Variants in DLGAP1 observed in about 807,000 individuals in gnomAD.
The protein encoded by DLGAP1 is DLG associated protein 1.
Under a neutral mutation model 90.8 loss-of-function variants are expected in DLGAP1, and 11 were observed. The observed-to-expected ratio is 0.12, with a 90% CI of 0.08 to 0.20. The LOEUF (loss-of-function observed/expected upper bound fraction) is 0.20. Among genes scored for constraint, DLGAP1 ranks in the 10% least tolerant of loss-of-function variants. The pLI is 1.00. For synonymous variants in DLGAP1, 558 were observed against 540.7 expected, an observed-to-expected ratio of 1.03 and a Z score of -0.44; for missense variants, 1,050 against 1,333.8, an observed-to-expected ratio of 0.79 and a Z score of 3.31.
chr18:3,600,731 T>TATATAGATATATAG (rs1555695365), intron 7 of DLGAP1, among the ~76,000 whole-genome samples: 1 of 37,778 alleles, frequency 2.6e-5, no homozygotes, highest in African/African-American at 1.4e-4. Context: ...GAGATATAGA[T>TATATAGATATATAG]ATATATAGAT....
At chr18:4,297,899 G>A (rs1246437161) in intron 1 of DLGAP1, among the ~76,000 whole-genome samples, 1 of 152,066 alleles carries the variant, frequency 6.6e-6, no homozygotes, top group Non-Finnish European at 1.5e-5. Context: ...GCAAACGCAG[G>A]TAAACTTTTG....
intron 4 of DLGAP1, among the ~76,000 whole-genome samples, chr18:3,838,603 G>A (rs572832530): frequency 6.6e-6 from 1 of 152,180 alleles, no homozygotes; most frequent in Non-Finnish European, 1.5e-5. Flanking sequence ...GATATATGCT[G>A]TAGACATTTA....
chr18:4,210,493 G>A (rs913512173), intron 1 of DLGAP1, among the ~76,000 whole-genome samples: 3 of 152,098 alleles, frequency 2.0e-5, no homozygotes, highest in Admixed American at 1.3e-4. Context: ...TGCTGAGCTA[G>A]GAAAAGGAAA....
chr18:3,786,137 T>C (rs2065438382), intron 5 of DLGAP1, among the ~76,000 whole-genome samples: 1 of 152,170 alleles, frequency 6.6e-6, no homozygotes, highest in Admixed American at 6.5e-5. Context: ...TGGGATAATC[T>C]CTTCATCTCA....
intron 10 of DLGAP1, among the ~76,000 whole-genome samples, chr18:3,525,507 C>A (rs957571781): frequency 6.6e-6 from 1 of 152,172 alleles, no homozygotes; most frequent in Non-Finnish European, 1.5e-5. Flanking sequence ...TCAAGCAGTT[C>A]TCCTTCCTCA....
At chr18:3,707,557 G>A (rs139801017) in intron 7 of DLGAP1, among the ~76,000 whole-genome samples, 1,797 of 151,026 alleles carry the variant, frequency 0.012, 24 homozygotes, top group Non-Finnish European at 0.018. Flanking sequence ...CCGAGATCAC[G>A]CCACTGCACT....
chr18:3,700,909 G>A (rs527424299), intron 7 of DLGAP1, among the ~76,000 whole-genome samples: 3 of 149,158 alleles, frequency 2.0e-5, no homozygotes, highest in South Asian at 4.3e-4. Context: ...ACGCCCAGCC[G>A]ACTTTGTTGC....
chr18:4,118,080 T>C (rs1409931176), intron 2 of DLGAP1, among the ~76,000 whole-genome samples: 1 of 152,166 alleles, frequency 6.6e-6, no homozygotes, highest in African/African-American at 2.4e-5. Flanking sequence ...CACTTCTGAT[T>C]GCTCTGCCAT....
intron 5 of DLGAP1, among the ~76,000 whole-genome samples, chr18:3,772,476 C>CTT (rs2064725828): frequency 7.8e-6 from 1 of 127,790 alleles, no homozygotes; most frequent in Non-Finnish European, 1.6e-5. Flanking sequence ...TTCTTTCTTT[C>CTT]TTTCTTCTGT....
At chr18:3,634,587 T>C (rs944305453) in intron 7 of DLGAP1, among the ~76,000 whole-genome samples, 1 of 152,256 alleles carries the variant, frequency 6.6e-6, no homozygotes, top group African/African-American at 2.4e-5. Context: ...ATTGAGAATA[T>C]TGCCTTCATT....
intron 1 of DLGAP1, among the ~76,000 whole-genome samples, chr18:4,440,775 C>G (rs2083519007): frequency 6.6e-6 from 1 of 152,140 alleles, no homozygotes; most frequent in African/African-American, 2.4e-5. Flanking sequence ...TTACATGAAC[C>G]AAATATCCTC....
intron 1 of DLGAP1, among the ~76,000 whole-genome samples, chr18:4,428,502 A>C (rs1188276042): frequency 2.6e-5 from 4 of 152,086 alleles, no homozygotes; most frequent in African/African-American, 9.7e-5. Flanking sequence ...GAAATGCTTG[A>C]ACCTGGGAGG....
At chr18:3,971,533 G>GT (rs1393663106) in intron 3 of DLGAP1, among the ~76,000 whole-genome samples, 17 of 152,120 alleles carry the variant, frequency 1.1e-4, no homozygotes, top group African/African-American at 2.2e-4. Flanking sequence ...CTATTCTTTT[G>GT]TTTTTTCTAA....
At chr18:4,367,004 C>CAAAAAAAA (rs67286288) in intron 1 of DLGAP1, among the ~76,000 whole-genome samples, 7 of 60,732 alleles carry the variant, frequency 1.2e-4, no homozygotes, top group Admixed American at 2.8e-4. Flanking sequence ...CTGTCAATGG[C>CAAAAAAAA]AAAAAAAAAA....
chr18:4,294,215 T>C (rs2079919588), intron 1 of DLGAP1: 1 of 152,224 alleles, frequency 6.6e-6, no homozygotes, highest in African/African-American at 2.4e-5. Flanking sequence ...GGCCAAACTA[T>C]ACATTCTTTC....
chr18:3,975,986 G>A (rs2073564499), intron 3 of DLGAP1, among the ~76,000 whole-genome samples: 1 of 152,036 alleles, frequency 6.6e-6, no homozygotes, highest in Non-Finnish European at 1.5e-5. Flanking sequence ...AACAGGTTCT[G>A]GAGATGGATG....
intron 2 of DLGAP1, among the ~76,000 whole-genome samples, chr18:4,081,268 T>C (rs187763294): frequency 1.3e-5 from 2 of 151,284 alleles, no homozygotes; most frequent in South Asian, 4.2e-4. Flanking sequence ...TGAGCCGAGA[T>C]TGTGCCATTG....
intron 1 of DLGAP1, among the ~76,000 whole-genome samples, chr18:4,343,124 G>T (rs1278099869): frequency 6.6e-6 from 1 of 151,900 alleles, no homozygotes; most frequent in East Asian, 1.9e-4. Context: ...TGTCTAACAT[G>T]GTGAAACTCC....
intron 1 of DLGAP1, among the ~76,000 whole-genome samples, chr18:4,222,296 G>A (rs1171712023): frequency 1.3e-5 from 2 of 152,050 alleles, no homozygotes; most frequent in Non-Finnish European, 2.9e-5. Flanking sequence ...CCTAAACCAT[G>A]CTTGTTTCTG....
Sources: allele counts gnomAD v4.1 joint callset (sites outside exome capture counted in the v4.1 genomes callset), GRCh38; gene constraint gnomAD v4.1.1; transcripts MANE v1.5; gene names NCBI Gene and HGNC (gene_info 2026-07-23, HGNC 2026-07-21).